The following DDX23 variants were observed in gnomAD, a reference collection of about 807,000 sequenced individuals.
DDX23 encodes DEAD-box helicase 23.
A neutral mutation model predicts 102.7 loss-of-function variants in DDX23; 33 were observed. The ratio of observed to expected loss-of-function variants is 0.32; its 90% CI spans 0.24 to 0.43. DDX23 has a LOEUF of 0.43. Among genes scored for constraint, DDX23 ranks in the 20% least tolerant of loss-of-function variants. The probability of loss-of-function intolerance (pLI) is 1.00; values close to 1 mark genes in which losing one functional copy is unlikely to be tolerated. For synonymous variants in DDX23, 352 were observed against 376.0 expected (o/e 0.94, Z 0.74); for missense variants, 549 against 1,086.6 (o/e 0.51, Z 6.96).
intron 11 of DDX23, among the ~76,000 whole-genome samples, chr12:48,835,479 G>A (rs1938456918): frequency 6.6e-6 from 1 of 152,128 alleles, no homozygotes; most frequent in Non-Finnish European, 1.5e-5. Flanking sequence ...GGAGGCTGAG[G>A]CAGGCAGATC....
At chr12:48,835,228 C>A (rs1386386747) in intron 11 of DDX23, 1 of 201,540 alleles carries the variant, frequency 5.0e-6, no homozygotes, top group Non-Finnish European at 1.1e-5. Context: ...GACAATAGAG[C>A]GAGACTCCAT....
chr12:48,830,371 C>A lies in DDX23; in HGVS notation c.*98G>T. On this transcript the variant is annotated 3_prime_UTR_variant, in exon 17 of 17. Transcript: ENST00000308025. This position sits in a 1 kb window ranked among gnomAD's most constrained non-coding sequence, Gnocchi z 4.9. The stretch of plus-strand genomic sequence containing the variant: ...GGATTGTTTTCCTAAGCCCCCATAT[C>A]CCAAGAGTGAGGACCTGGAAAGAGG... The A allele has an allele frequency of 7.1e-7, 1 of 1,401,626 alleles. No individual in the cohort carries two copies. 86.8% of individuals were successfully genotyped at this position (1,401,626 alleles called of 1,614,324 possible).
intron 6 of DDX23, 63 bp downstream of exon 6, chr12:48,837,879 C>A: frequency 6.2e-7 from 1 of 1,606,926 alleles, no homozygotes; most frequent in Non-Finnish European, 8.5e-7. Context: ...TCCTAAGAGA[C>A]ACTGTATCTC....
intron 2 of DDX23, among the ~76,000 whole-genome samples, chr12:48,844,706 C>T (rs1269253619): frequency 7.0e-6 from 1 of 142,952 alleles, no homozygotes; most frequent in Non-Finnish European, 1.5e-5. Context: ...CTCCTGACCT[C>T]GTGATCCACC....
chr12:48,835,982 A>C (rs1317080514), intron 11 of DDX23, 139 bp downstream of exon 11: 9 of 1,015,342 alleles, frequency 8.9e-6, no homozygotes, highest in Non-Finnish European at 1.3e-5. Flanking sequence ...ATCATGATCC[A>C]ATTATTCCCT....
intron 1 of DDX23, among the ~76,000 whole-genome samples, chr12:48,851,363 C>T (rs974337909): frequency 6.6e-6 from 1 of 152,038 alleles, no homozygotes; most frequent in African/African-American, 2.4e-5. Context: ...ATCACAGCTA[C>T]TCGGGAGGCT....
chr12:48,834,226 T>C lies in DDX23; in HGVS notation c.1560+94A>G, dbSNP rs564144522. Reference sequence around the variant, plus strand: ...ACATATATATAAACCAGCTCCTTTCTTCATACTACTGCACATATATTCCAG... The same window carrying C: ...ACATATATATAAACCAGCTCCTTTCCTCATACTACTGCACATATATTCCAG... On this transcript the variant is annotated intron_variant, in intron 12 of 16. Transcript: ENST00000308025. The C allele has an allele frequency of 1.3e-5, 17 of 1,261,642 alleles. No homozygotes were observed. The East Asian group carries it at 3.8e-4, about 28-fold the overall frequency. The allele number at this position is 1,261,642 out of a possible 1,614,324, so 78.2% of individuals were successfully genotyped here.
chr12:48,844,942 C>T (rs1280495510), intron 2 of DDX23, among the ~76,000 whole-genome samples: 4 of 149,164 alleles, frequency 2.7e-5, no homozygotes, highest in Middle Eastern at 3.5e-3. Context: ...CACCTGAGGT[C>T]GGAAGATTGA....
intron 1 of DDX23, among the ~76,000 whole-genome samples, chr12:48,851,621 G>A (rs1938760936): frequency 6.6e-6 from 1 of 152,242 alleles, no homozygotes; most frequent in Non-Finnish European, 1.5e-5. Context: ...GCTTGGAAGA[G>A]GAAGTGACGC....
intron 3 of DDX23, among the ~76,000 whole-genome samples, chr12:48,842,386 C>T (rs1938576101): frequency 6.9e-6 from 1 of 143,942 alleles, no homozygotes; most frequent in Non-Finnish European, 1.5e-5. Context: ...GCCGCCCCGT[C>T]CGGGAAGGAG....
At chr12:48,835,447 C>T (rs1451899391) in intron 11 of DDX23, among the ~76,000 whole-genome samples, 1 of 152,224 alleles carries the variant, frequency 6.6e-6, no homozygotes, top group South Asian at 2.1e-4. Context: ...CACTGGCTCA[C>T]GCCTGTAATT....
chr12:48,833,681 A>T, intron 12 of DDX23, 162 bp from the exon 13 acceptor site: 1 of 842,110 alleles, frequency 1.2e-6, no homozygotes, highest in Non-Finnish European at 1.8e-6. Flanking sequence ...CTGGCATGAA[A>T]TCACTTGTTG....
At position 48,836,201 on chromosome 12, in the gene DDX23, C is replaced by T. The variant is rs1938466023; in HGVS notation, c.1302G>A (p.Val434=). 1 of 1,613,956 alleles carries T rather than the reference C, an allele frequency of 6.2e-7. No homozygotes were observed. Among genetic ancestry groups the T allele is most frequent in the African/African-American group, 1.3e-5 (1 of 74,908 alleles). The change falls in exon 11 of 17, where the codon GTG becomes GTA. Residue 434 remains valine (V), a synonymous_variant. Transcript: ENST00000308025. This position sits in a 1 kb window ranked among gnomAD's most constrained non-coding sequence, Gnocchi z 6.1. ...IGLQNRDIIG[V]AETGSGKTAA... ...CTGTCTTGCCACTGCCAGTCTCAGCCACACCAATGATGTCACGATTCTGTA... is the reference window on the plus strand; with the variant it reads ...CTGTCTTGCCACTGCCAGTCTCAGCTACACCAATGATGTCACGATTCTGTA...
intron 3 of DDX23, 37 bp downstream of exon 3, chr12:48,843,903 G>C (rs1938617201): frequency 6.2e-7 from 1 of 1,601,722 alleles, no homozygotes; most frequent in East Asian, 2.2e-5. Context: ...AGAAATGGGA[G>C]CATTCCCCTA....
At chr12:48,835,817 G>A (rs1020604592) in intron 11 of DDX23, among the ~76,000 whole-genome samples, 6 of 152,180 alleles carry the variant, frequency 3.9e-5, no homozygotes, top group Non-Finnish European at 8.8e-5. Flanking sequence ...CCTGAACCTG[G>A]GAGGCAAAAG....
In DDX23 at chr12:48,836,833, T is replaced by C; in HGVS notation, c.1011-39A>G. The C allele has an allele frequency of 6.2e-7, 1 of 1,613,218 alleles. No individual in the cohort carries two copies. Among genetic ancestry groups the C allele is most frequent in the Non-Finnish European group, 8.5e-7 (1 of 1,179,292 alleles). On this transcript the variant is annotated intron_variant, in intron 9 of 16. Transcript: ENST00000308025. The surrounding 1 kb of genome is among the most constrained non-coding windows in gnomAD (Gnocchi z 6.1). ...TGAGGAGTAAGTAGAATCAGTGCCC[T>C]CCAACTCCTTTCTGTAGAGCCTCTG...
intron 12 of DDX23, among the ~76,000 whole-genome samples, chr12:48,833,750 G>A (rs1345456591): frequency 1.3e-5 from 2 of 152,102 alleles, no homozygotes; most frequent in East Asian, 3.8e-4. Flanking sequence ...TTAGACAGAG[G>A]AGGCAAAATC....
intron 5 of DDX23, among the ~76,000 whole-genome samples, chr12:48,838,508 C>A (rs1405816830): frequency 6.6e-6 from 1 of 150,936 alleles, no homozygotes; most frequent in African/African-American, 2.4e-5. Context: ...TGTGATTGCA[C>A]CACTGTACTT....
In DDX23 at chr12:48,843,965, G is replaced by A. The variant is rs377341662; in HGVS notation, c.295C>T (p.Arg99Trp). The change falls in exon 3 of 17, where the codon CGG becomes TGG. Residue 99 changes from arginine to tryptophan, a missense_variant. By Grantham distance (101) the Arg-to-Trp change is moderately radical. Around this residue, in one of 4 missense-constraint regions of DDX23, gnomAD observed 241 missense variants for 267.0 expected, o/e 0.90. Transcript: ENST00000308025. The stretch of plus-strand genomic sequence containing the variant: ...CTGGATCGTTTACGGTCCTTGTCCC[G>A]TCTGTGCCCATCCTTGTCTCGATCT... ...DRDRDKDGHR[R>W]DKDRKRSSLS... The A allele has an allele frequency of 5.3e-5, 86 of 1,613,898 alleles. No individual in the cohort carries two copies. Among genetic ancestry groups the A allele is most frequent in the Non-Finnish European group, 6.9e-5 (81 of 1,179,994 alleles).
Sources: allele counts gnomAD v4.1 joint callset (sites outside exome capture counted in the v4.1 genomes callset), GRCh38; gene constraint gnomAD v4.1.1; regional missense constraint gnomAD v4.1.1; non-coding constraint Gnocchi (gnomAD v3.1); transcripts MANE v1.5; gene names NCBI Gene and HGNC (gene_info 2026-07-23, HGNC 2026-07-21).